The following IGSF10 variants were observed in gnomAD, a reference collection of about 807,000 sequenced individuals.
IGSF10 encodes the protein calvaria mechanical force protein 608.
Under a neutral mutation model 128.2 loss-of-function variants are expected in IGSF10, and 126 were observed. The observed-to-expected ratio is 0.98, with a 90% CI of 0.85 to 1.14. The LOEUF (loss-of-function observed/expected upper bound fraction) is 1.14. Among genes scored for constraint, IGSF10 ranks in the 50% most tolerant of loss-of-function variants. IGSF10 has a pLI of 0.00. For synonymous variants in IGSF10, 1,185 were observed against 1,146.2 expected, an observed-to-expected ratio of 1.03 and a Z score of -0.68; for missense variants, 3,295 against 3,149.8, an observed-to-expected ratio of 1.05 and a Z score of -1.10.
intron 4 of IGSF10, among the ~76,000 whole-genome samples, chr3:151,455,709 A>G (rs895041659): frequency 6.6e-6 from 1 of 152,180 alleles, no homozygotes; most frequent in Admixed American, 6.5e-5. Context: ...TTTATCTATC[A>G]TTGGTTGATG....
At chr3:151,444,797 G>A in intron 6 of IGSF10, 122 bp downstream of exon 6, 2 of 865,830 alleles carry the variant, frequency 2.3e-6, no homozygotes, top group Non-Finnish European at 3.4e-6. Context: ...GATATTAATA[G>A]TTTCTTTGTC....
At chr3:151,524,860 G>T in the IGSF10 span, among the ~76,000 whole-genome samples, 1 of 151,898 alleles carries the variant, frequency 6.6e-6, no homozygotes, top group Admixed American at 6.6e-5. Context: ...CAACTGAGTG[G>T]ATTTTGATTT....
chr3:151,436,837 T>C lies in IGSF10; in HGVS notation c.7724A>G (p.Lys2575Arg), dbSNP rs1291421799. The change falls in exon 8 of 8, where the codon AAA becomes AGA. Residue 2575 changes from lysine (K) to arginine (R), a missense_variant. By Grantham distance (26) the Lys-to-Arg change is conservative (BLOSUM62 2). Coordinates refer to ENST00000282466, the MANE Select transcript of IGSF10 (RefSeq NM_178822.5). ...PDHSLLSTASKERTHGSEQLH... is the reference protein window; with the variant it reads ...PDHSLLSTASRERTHGSEQLH... The stretch of plus-strand genomic sequence containing the variant: ...CTGCTCACTTCCATGTGTCCTCTCT[T>C]TACTTGCCGTTGAGAGAAGGGAGTG... The C allele has an allele frequency of 3.1e-6, 5 of 1,614,048 alleles. No homozygotes were observed. Among genetic ancestry groups the C allele is most frequent in the Middle Eastern group, 1.6e-4 (1 of 6,082 alleles).
the IGSF10 span, among the ~76,000 whole-genome samples, chr3:151,537,113 T>G: frequency 7.4e-4 from 112 of 152,308 alleles, no homozygotes; most frequent in African/African-American, 2.4e-3. Context: ...GAAAAATTTT[T>G]GGGTAAGCCA....
chr3:151,591,712 G>A, the IGSF10 span, among the ~76,000 whole-genome samples: 1 of 152,038 alleles, frequency 6.6e-6, no homozygotes, highest in South Asian at 2.1e-4. Context: ...CTTTAGGGAA[G>A]GCTTGCTGGA....
At chr3:151,494,691 A>G in the IGSF10 span, among the ~76,000 whole-genome samples, 5 of 152,218 alleles carry the variant, frequency 3.3e-5, no homozygotes, top group African/African-American at 1.2e-4. Flanking sequence ...TGAGAAGTTT[A>G]CCTTTTATTC....
chr3:151,534,331 T>G, the IGSF10 span, among the ~76,000 whole-genome samples: 2 of 152,138 alleles, frequency 1.3e-5, no homozygotes, highest in African/African-American at 2.4e-5. Flanking sequence ...TATAAATCAT[T>G]CTTCTATAAA....
the IGSF10 span, among the ~76,000 whole-genome samples, chr3:151,513,972 G>T: frequency 6.6e-6 from 1 of 152,082 alleles, no homozygotes; most frequent in Non-Finnish European, 1.5e-5. Context: ...AAATAAAAGA[G>T]GATACAAACA....
chr3:151,496,159 C>T, the IGSF10 span, among the ~76,000 whole-genome samples: 5 of 151,964 alleles, frequency 3.3e-5, no homozygotes, highest in Admixed American at 3.3e-4. Flanking sequence ...CAAAGTAGGT[C>T]TCATTTGAAG....
At chr3:151,607,010 A>G in the IGSF10 span, among the ~76,000 whole-genome samples, 1 of 152,202 alleles carries the variant, frequency 6.6e-6, no homozygotes, top group Non-Finnish European at 1.5e-5. Context: ...GAACTAGTTT[A>G]CTGGACCTCA....
the IGSF10 span, among the ~76,000 whole-genome samples, chr3:151,497,590 A>G: frequency 6.6e-5 from 10 of 152,158 alleles, no homozygotes; most frequent in African/African-American, 2.4e-4. Flanking sequence ...CTTGTAGTAT[A>G]GTTTGAAGTC....
At chr3:151,610,781 C>A in the IGSF10 span, among the ~76,000 whole-genome samples, 1 of 152,108 alleles carries the variant, frequency 6.6e-6, no homozygotes, top group Non-Finnish European at 1.5e-5. Context: ...TGGCAGAAGG[C>A]ATTACATGGA....
chr3:151,618,806 A>T, the IGSF10 span, among the ~76,000 whole-genome samples: 1 of 150,362 alleles, frequency 6.7e-6, no homozygotes, highest in East Asian at 1.9e-4. Context: ...AATAAAAAAT[A>T]AAAATAAAAA....
chr3:151,479,847 A>G, the IGSF10 span, among the ~76,000 whole-genome samples: 1 of 152,346 alleles, frequency 6.6e-6, no homozygotes, highest in East Asian at 1.9e-4. Context: ...ACTGCTATTT[A>G]CATCAGTGAC....
chr3:151,540,214 T>G, the IGSF10 span, among the ~76,000 whole-genome samples: 2 of 152,152 alleles, frequency 1.3e-5, no homozygotes, highest in Admixed American at 6.6e-5. Context: ...CTCAGTTAAT[T>G]TTCAAAAATT....
the IGSF10 span, among the ~76,000 whole-genome samples, chr3:151,534,769 G>A: frequency 2.7e-5 from 4 of 150,604 alleles, no homozygotes; most frequent in East Asian, 2.0e-4. Flanking sequence ...AAACCTGCAC[G>A]TTCTGCCCAT....
At chr3:151,444,897 G>A (rs745678087) in intron 6 of IGSF10, 22 bp downstream of exon 6, 2 of 1,541,712 alleles carry the variant, frequency 1.3e-6, no homozygotes, top group African/African-American at 2.8e-5. Flanking sequence ...AAAACTAAGT[G>A]TAAAGAAAAA....
At chr3:151,600,590 T>C in the IGSF10 span, among the ~76,000 whole-genome samples, 1 of 152,190 alleles carries the variant, frequency 6.6e-6, no homozygotes, top group Admixed American at 6.5e-5. Context: ...TTTTTATGCA[T>C]TTGTTATAGG....
chr3:151,553,613 TG>T, the IGSF10 span, among the ~76,000 whole-genome samples: 1 of 147,556 alleles, frequency 6.8e-6, no homozygotes, highest in Non-Finnish European at 1.5e-5. Context: ...TCTCTCTCTG[TG>T]TCTCTGTCTC....
Sources: allele counts gnomAD v4.1 joint callset (sites outside exome capture counted in the v4.1 genomes callset), GRCh38; gene constraint gnomAD v4.1.1; transcripts MANE v1.5; gene names NCBI Gene and HGNC (gene_info 2026-07-23, HGNC 2026-07-21).